The following KCNN2 variants were observed in gnomAD, a reference collection of about 807,000 sequenced individuals.
KCNN2 encodes the protein potassium calcium-activated channel subfamily N member 2.
KCNN2 carries 24 observed loss-of-function variants against 55.5 expected under a neutral mutation model. That is an observed-to-expected ratio of 0.43 (90% CI 0.31 to 0.61). The LOEUF (loss-of-function observed/expected upper bound fraction) is 0.61. KCNN2 is among the 20% of genes least tolerant of loss of function. The pLI, the probability that KCNN2 is intolerant of heterozygous loss-of-function variation, is 0.08. For missense variants in KCNN2, 754 were observed against 853.6 expected, an observed-to-expected ratio of 0.88 and a Z score of 1.45; for synonymous variants, 431 against 336.1, an observed-to-expected ratio of 1.28 and a Z score of -3.09.
chr5:114,102,309 G>A (rs1448368491), intron 1 of KCNN2, among the ~76,000 whole-genome samples: 1 of 148,212 alleles, frequency 6.7e-6, no homozygotes, highest in Admixed American at 6.8e-5. Flanking sequence ...TGAATTTGTT[G>A]AAGTTCTTTG....
chr5:114,295,412 C>T (rs950263302), intron 2 of KCNN2, among the ~76,000 whole-genome samples: 5 of 152,152 alleles, frequency 3.3e-5, no homozygotes, highest in African/African-American at 1.2e-4. Context: ...GGCAGGCACC[C>T]CTCCCCCAGC....
chr5:114,090,599 C>T (rs780024503), intron 1 of KCNN2, among the ~76,000 whole-genome samples: 35 of 150,054 alleles, frequency 2.3e-4, no homozygotes, highest in Admixed American at 8.0e-4. Context: ...ATATATATAC[C>T]ACATATATAT....
rs751646907 is a variant in KCNN2, at chr5:114,362,760, C to T, written c.621C>T (p.Pro207=). The T allele has an allele frequency of 7.7e-6, 12 of 1,567,716 alleles. No individual in the cohort carries two copies. Among genetic ancestry groups the T allele is most frequent in the South Asian group, 5.8e-5 (5 of 85,510 alleles). ...HQPQARRESN[P]FTEIAMSSCR... ...CCCAGGCGCGCCGCGAGAGCAACCC[C>T]TTCACCGAAATAGCCATGAGCAGCT... The change falls in exon 1 of 8, where the codon CCC becomes CCT. Residue 207 remains proline (P), a synonymous_variant. Coordinates refer to ENST00000673685, the MANE Select transcript of KCNN2 (RefSeq NM_021614.4).
At chr5:114,416,745 G>T (rs184675989) in intron 3 of KCNN2, among the ~76,000 whole-genome samples, 1 of 152,248 alleles carries the variant, frequency 6.6e-6, no homozygotes, top group African/African-American at 2.4e-5. Flanking sequence ...TCTAACAGAA[G>T]ATATAATTTA....
intron 1 of KCNN2, among the ~76,000 whole-genome samples, chr5:114,217,417 C>T (rs934340914): frequency 6.6e-6 from 1 of 151,938 alleles, no homozygotes; most frequent in African/African-American, 2.4e-5. Flanking sequence ...ATGGAACATA[C>T]CAGAATGTCC....
chr5:114,115,586 C>A (rs970521918), intron 1 of KCNN2, among the ~76,000 whole-genome samples: 9 of 151,958 alleles, frequency 5.9e-5, no homozygotes, highest in Non-Finnish European at 1.3e-4. Flanking sequence ...GCTGTTGGTA[C>A]CCAGACTTCC....
intron 2 of KCNN2, among the ~76,000 whole-genome samples, chr5:114,238,994 G>A (rs750946834): frequency 2.0e-5 from 3 of 152,158 alleles, no homozygotes; most frequent in Non-Finnish European, 2.9e-5. Flanking sequence ...CATGCTCAAT[G>A]TGGTTTACTT....
At chr5:114,406,330 T>C (rs544753723) in intron 3 of KCNN2, among the ~76,000 whole-genome samples, 2 of 151,564 alleles carry the variant, frequency 1.3e-5, no homozygotes, top group Admixed American at 6.6e-5. Context: ...TCTGTGGAAG[T>C]CAGTTTTTTT....
At chr5:114,343,125 G>C (rs1255466666) in intron 2 of KCNN2, among the ~76,000 whole-genome samples, 1 of 152,144 alleles carries the variant, frequency 6.6e-6, no homozygotes, top group Non-Finnish European at 1.5e-5. Flanking sequence ...AATTCAATAA[G>C]CCTTTATTCT....
At chr5:114,396,005 C>A (rs542566992) in intron 2 of KCNN2, among the ~76,000 whole-genome samples, 4 of 152,330 alleles carry the variant, frequency 2.6e-5, no homozygotes, top group African/African-American at 9.6e-5. Flanking sequence ...CTGCACTTGG[C>A]ATATATACTC....
intron 2 of KCNN2, among the ~76,000 whole-genome samples, chr5:114,247,660 C>G (rs1246824770): frequency 1.3e-5 from 2 of 152,284 alleles, no homozygotes; most frequent in African/African-American, 4.8e-5. Context: ...AGCATGCTCA[C>G]GTACCCCGTT....
intron 2 of KCNN2, among the ~76,000 whole-genome samples, chr5:114,253,115 CT>C (rs1305234671): frequency 1.6e-5 from 2 of 126,126 alleles, no homozygotes; most frequent in East Asian, 2.5e-4. Flanking sequence ...GTAGAGGTTT[CT>C]TTTTTTTCTT....
At chr5:114,384,285 C>T (rs1214326724) in intron 2 of KCNN2, among the ~76,000 whole-genome samples, 4 of 152,184 alleles carry the variant, frequency 2.6e-5, no homozygotes, top group Non-Finnish European at 5.9e-5. Flanking sequence ...CTTCAATTCA[C>T]CACAGTTGAT....
intron 5 of KCNN2, among the ~76,000 whole-genome samples, chr5:114,476,783 C>T (rs1761987906): frequency 6.6e-6 from 1 of 152,008 alleles, no homozygotes; most frequent in Admixed American, 6.6e-5. Flanking sequence ...TAAAATGACA[C>T]TAGAAGAAAA....
intron 2 of KCNN2, among the ~76,000 whole-genome samples, chr5:114,310,941 T>C (rs562835968): frequency 3.3e-5 from 5 of 152,114 alleles, no homozygotes; most frequent in Non-Finnish European, 7.4e-5. Context: ...TATATCATGA[T>C]GATTTGAGTT....
chr5:114,346,973 C>G (rs905511118), intron 2 of KCNN2, among the ~76,000 whole-genome samples: 1 of 151,988 alleles, frequency 6.6e-6, no homozygotes, highest in Non-Finnish European at 1.5e-5. Context: ...CATTTGAGAA[C>G]AAAATAAATA....
chr5:114,323,649 A>ATTTTTTTTTTTT (rs6149185), intron 2 of KCNN2, among the ~76,000 whole-genome samples: 6,584 of 84,570 alleles, frequency 0.078, 1,634 homozygotes, highest in East Asian at 0.52. Context: ...AAACATATCA[A>ATTTTTTTTTTTT]TTTTTTTTTT....
At chr5:114,186,160 A>G (rs1753327224) in intron 1 of KCNN2, among the ~76,000 whole-genome samples, 1 of 152,184 alleles carries the variant, frequency 6.6e-6, no homozygotes, top group African/African-American at 2.4e-5. Context: ...GTGGAAAATT[A>G]CACTTTATTT....
At chr5:114,120,358 G>T (rs116179429) in intron 1 of KCNN2, among the ~76,000 whole-genome samples, 1 of 152,122 alleles carries the variant, frequency 6.6e-6, no homozygotes, top group Non-Finnish European at 1.5e-5. Context: ...CTGCCAATTT[G>T]TTTATCCCAT....
Sources: allele counts gnomAD v4.1 joint callset (sites outside exome capture counted in the v4.1 genomes callset), GRCh38; gene constraint gnomAD v4.1.1; transcripts MANE v1.5; gene names NCBI Gene and HGNC (gene_info 2026-07-23, HGNC 2026-07-21).